Variants in ACTN2 observed in about 807,000 individuals in gnomAD.
ACTN2 encodes the protein alpha-actinin-2.
ACTN2 carries 39 observed loss-of-function variants against 113.8 expected under a neutral mutation model. The observed-to-expected ratio is 0.34, with a 90% CI of 0.27 to 0.45. The LOEUF (loss-of-function observed/expected upper bound fraction) is 0.45. Ranked by LOEUF, ACTN2 falls within the 20% of genes least tolerant of loss-of-function variation. The pLI, the probability that ACTN2 is intolerant of heterozygous loss-of-function variation, is 1.00. For missense variants in ACTN2, 992 were observed against 1,177.9 expected (o/e 0.84, Z 2.31); for synonymous variants, 429 against 444.1 (o/e 0.97, Z 0.43).
chr1:236,742,835 G>T (rs1659112296), intron 10 of ACTN2, 61 bp from the exon 11 acceptor site: 1 of 1,607,542 alleles, frequency 6.2e-7, no homozygotes, highest in Admixed American at 1.7e-5. Context: ...AGCCTGAGAG[G>T]CCAGAATGTA....
chr1:236,753,658 T>C (rs994177929), intron 15 of ACTN2, among the ~76,000 whole-genome samples: 13 of 152,116 alleles, frequency 8.5e-5, no homozygotes, highest in African/African-American at 3.1e-4. Flanking sequence ...TGGAGGAGAA[T>C]GGTCGCTGCT....
intron 1 of ACTN2, among the ~76,000 whole-genome samples, chr1:236,706,551 A>G (rs964236051): frequency 2.0e-5 from 3 of 152,236 alleles, no homozygotes; most frequent in Non-Finnish European, 2.9e-5. Context: ...TCCTGCATCC[A>G]GGCAGAGTTT....
At chr1:236,719,851 G>A (rs561248205) in intron 3 of ACTN2, among the ~76,000 whole-genome samples, 3 of 151,940 alleles carry the variant, frequency 2.0e-5, no homozygotes, top group Admixed American at 2.0e-4. Context: ...GAAACTCCCG[G>A]GTGGTTTTCA....
intron 7 of ACTN2, 129 bp downstream of exon 7, chr1:236,731,443 T>C: frequency 1.4e-6 from 1 of 719,734 alleles, no homozygotes; most frequent in Non-Finnish European, 2.5e-6. Flanking sequence ...CCTAACAAAT[T>C]TCTGTCACTG....
At chr1:236,695,639 G>A (rs900789760) in intron 1 of ACTN2, among the ~76,000 whole-genome samples, 5 of 127,022 alleles carry the variant, frequency 3.9e-5, no homozygotes, top group Middle Eastern at 6.0e-3. Context: ...ATTCAGAGAC[G>A]TATAAATTTA....
intron 1 of ACTN2, among the ~76,000 whole-genome samples, chr1:236,690,352 C>G (rs1666037963): frequency 6.6e-6 from 1 of 152,172 alleles, no homozygotes; most frequent in South Asian, 2.1e-4. Flanking sequence ...CATACTCTTG[C>G]ATAAATTTTT....
rs538927932 is a variant in ACTN2, at chr1:236,750,542, C to T, written c.1657-928C>T. On this transcript the variant is annotated intron_variant, in intron 14 of 20. Coordinates refer to ENST00000366578, the MANE Select transcript of ACTN2 (RefSeq NM_001103.4). ...GACCTGTTGCTGCACCTAAAGAGAACAGTAGCTTCACACTCAAAGGTGCTC... is the reference window on the plus strand; with the variant it reads ...GACCTGTTGCTGCACCTAAAGAGAATAGTAGCTTCACACTCAAAGGTGCTC... 1.9e-4 allele frequency among the ~76,000 whole-genome samples: 29 copies of T among 152,320 alleles called. 1 individual carries two copies. The South Asian group carries it at 4.6e-3, about 24-fold the overall frequency.
chr1:236,732,452 A>ATTTTTTAT (rs1658739614), intron 7 of ACTN2, among the ~76,000 whole-genome samples: 9 of 147,392 alleles, frequency 6.1e-5, no homozygotes, highest in Admixed American at 4.7e-4. Flanking sequence ...TTTATTTTTT[A>ATTTTTTAT]TTTTTTTTGA....
Position 236,762,770 on chromosome 1 carries a change from A to G in ACTN2, c.*151A>G. On this transcript the variant is annotated 3_prime_UTR_variant, in exon 21 of 21. Transcript: ENST00000366578. Reference sequence around the variant, plus strand: ...TCGTAGTTCAGTAATTGCCAGCAATATAACACGGCTAAAATGAAGTTTTTA... The same window carrying G: ...TCGTAGTTCAGTAATTGCCAGCAATGTAACACGGCTAAAATGAAGTTTTTA... 2.1e-6 allele frequency: 2 copies of G among 943,814 alleles called. No homozygotes were observed. Among genetic ancestry groups the G allele is most frequent in the South Asian group, 2.8e-5 (2 of 70,706 alleles). The allele number at this position is 943,814 out of a possible 1,614,324, so 58.5% of individuals were successfully genotyped here. A position where few individuals can be genotyped will look rare whatever the true frequency, so the allele number is the denominator to read the frequency against.
chr1:236,757,818 C>T (rs1558250509), intron 18 of ACTN2, among the ~76,000 whole-genome samples, 186 bp downstream of exon 18: 1 of 152,170 alleles, frequency 6.6e-6, no homozygotes, highest in Non-Finnish European at 1.5e-5. Context: ...CTCAAGGTGA[C>T]ACAAAGTCCA....
intron 1 of ACTN2, among the ~76,000 whole-genome samples, chr1:236,694,054 G>A (rs1435728933): frequency 6.6e-6 from 1 of 152,008 alleles, no homozygotes; most frequent in African/African-American, 2.4e-5. Flanking sequence ...TATCTTAGTA[G>A]TACCTCCTTC....
At chr1:236,758,243 C>T (rs777721250) in intron 18 of ACTN2, among the ~76,000 whole-genome samples, 1 of 151,210 alleles carries the variant, frequency 6.6e-6, no homozygotes, top group African/African-American at 2.4e-5. Flanking sequence ...TTTACTAATC[C>T]TGTGGCTGGA....
At position 236,744,658 on chromosome 1, in the gene ACTN2, G is replaced by C. The variant is rs370865082; in HGVS notation, c.1288G>C (p.Glu430Gln). Residue 430 changes from glutamate (E) to glutamine (Q), a missense_variant, in exon 12 of 21, where the codon GAG becomes CAG. Around this residue, in one of 3 missense-constraint regions of ACTN2, gnomAD observed 736 missense variants for 815.4 expected, o/e 0.90. Transcript: ENST00000366578. ...KEQILLQKDY[E>Q]SASLTEVRAL... ...GCAGATCTTGCTGCAGAAGGATTACGAGTCGGCGTCGCTGACAGAGGTGCG... is the reference window on the plus strand; with the variant it reads ...GCAGATCTTGCTGCAGAAGGATTACCAGTCGGCGTCGCTGACAGAGGTGCG... 8.1e-6 allele frequency: 13 copies of C among 1,614,086 alleles called. No individual in the cohort carries two copies. In the African/African-American group the frequency reaches 1.2e-4, roughly 15 times the overall value.
At position 236,701,546 on chromosome 1, in the gene ACTN2, G is replaced by A. The variant is rs771588944; in HGVS notation, c.126+14747G>A. Among the ~76,000 whole-genome samples, 24 of 152,266 alleles carry A rather than the reference G, an allele frequency of 1.6e-4. 1 individual carries two copies. In the Middle Eastern group the frequency reaches 0.01, roughly 65 times the overall value. On this transcript the variant is annotated intron_variant, in intron 1 of 20. Coordinates refer to ENST00000366578, the MANE Select transcript of ACTN2 (RefSeq NM_001103.4). The stretch of plus-strand genomic sequence containing the variant: ...GGGCCAGGTTGCCCTCTGAAACGGG[G>A]TTGACTGTTATACTTTTGGTTTTGT...
intron 1 of ACTN2, among the ~76,000 whole-genome samples, chr1:236,715,676 C>G (rs1410687648): frequency 6.6e-6 from 1 of 152,122 alleles, no homozygotes; most frequent in Non-Finnish European, 1.5e-5. Context: ...TGGCTTAAGA[C>G]CGAGTGTGGT....
At chr1:236,753,849 A>ACCCC in intron 15 of ACTN2, 98 bp from the exon 16 acceptor site, 5 of 1,103,216 alleles carry the variant, frequency 4.5e-6, no homozygotes, top group East Asian at 4.1e-5. Flanking sequence ...CTCCTTCTCC[A>ACCCC]CTCCCACCCC....
At chr1:236,742,193 T>A (rs905817703) in intron 10 of ACTN2, among the ~76,000 whole-genome samples, 7 of 152,108 alleles carry the variant, frequency 4.6e-5, no homozygotes, top group Admixed American at 1.3e-4. Context: ...GCTTTTTTTT[T>A]CCCATACGGC....
rs1659112220 is a variant in ACTN2, at chr1:236,742,829, T to C, written c.1108-67T>C. 3.1e-6 allele frequency: 5 copies of C among 1,601,304 alleles called. No individual in the cohort carries two copies. The Middle Eastern group carries it at 5.0e-4, about 160-fold the overall frequency. ...AGTGGAGGGATTTATAGAAGAAGCC[T>C]GAGAGGCCAGAATGTAACGAAGGTG... On this transcript the variant is annotated intron_variant, in intron 10 of 20. Transcript: ENST00000366578.
chr1:236,743,868 G>GT (rs1659147314), intron 11 of ACTN2, among the ~76,000 whole-genome samples: 1 of 152,122 alleles, frequency 6.6e-6, no homozygotes, highest in African/African-American at 2.4e-5. Flanking sequence ...GGGAATCACC[G>GT]TAAGACCTCC....
Sources: allele counts gnomAD v4.1 joint callset (sites outside exome capture counted in the v4.1 genomes callset), GRCh38; gene constraint gnomAD v4.1.1; regional missense constraint gnomAD v4.1.1; transcripts MANE v1.5; gene names NCBI Gene and HGNC (gene_info 2026-07-23, HGNC 2026-07-21).